Variants in ATIC observed in about 807,000 individuals in gnomAD.
The protein encoded by ATIC is 5-aminoimidazole-4-carboxamide ribonucleotide formyltransferase/IMP cyclohydrolase, also known as bifunctional purine biosynthesis protein ATIC.
ATIC carries 64 observed loss-of-function variants against 72.5 expected under a neutral mutation model. That is an observed-to-expected ratio of 0.88 (90% CI 0.72 to 1.09). ATIC has a LOEUF of 1.09. ATIC is among the 50% of genes least tolerant of loss of function. ATIC has a pLI of 0.00. For synonymous variants in ATIC, 281 were observed against 267.1 expected (o/e 1.05, Z -0.51); for missense variants, 787 against 732.4 (o/e 1.07, Z -0.86).
intron 3 of ATIC, among the ~76,000 whole-genome samples, 159 bp from the exon 4 acceptor site, chr2:215,319,506 A>AC (rs1308827236): frequency 1.3e-5 from 2 of 152,098 alleles, no homozygotes; most frequent in African/African-American, 4.8e-5. Flanking sequence ...TTACGCCACT[A>AC]CAATCCAGCC....
At chr2:215,325,653 C>T (rs913924361) in intron 5 of ATIC, among the ~76,000 whole-genome samples, 1 of 152,072 alleles carries the variant, frequency 6.6e-6, no homozygotes. Flanking sequence ...ACCTCTGCCT[C>T]CTGGGCTCAA....
chr2:215,314,071 T>A (rs1015483788), intron 2 of ATIC, among the ~76,000 whole-genome samples: 1 of 152,212 alleles, frequency 6.6e-6, no homozygotes, highest in African/African-American at 2.4e-5. Context: ...ATCCCTTGGG[T>A]CCTATATCTG....
intron 7 of ATIC, among the ~76,000 whole-genome samples, 170 bp downstream of exon 7, chr2:215,327,148 A>C (rs1037714477): frequency 3.3e-5 from 5 of 152,180 alleles, no homozygotes; most frequent in Non-Finnish European, 5.9e-5. Flanking sequence ...AGAGCACAGA[A>C]GTTGAGTAGT....
At chr2:215,334,310 C>T (rs2052931450) in intron 9 of ATIC, among the ~76,000 whole-genome samples, 1 of 150,626 alleles carries the variant, frequency 6.6e-6, no homozygotes, top group Non-Finnish European at 1.5e-5. Flanking sequence ...TCTCCTGCCT[C>T]AGCGTCCTGA....
Position 215,338,787 on chromosome 2 carries a change from A to T in ATIC, c.1107A>T (p.Gln369His). Residue 369 changes from glutamine to histidine, a missense_variant, in exon 12 of 16, where the codon CAA becomes CAT. Transcript: ENST00000236959. ...NGNYCVLQMD[Q>H]SYKPDENEVR... The stretch of plus-strand genomic sequence containing the variant: ...TAAAATTTGTATTTTAGATGGACCA[A>T]TCTTACAAACCAGATGAAAATGAAG... 6.2e-7 allele frequency: 1 copy of T among 1,613,662 alleles called. No homozygotes were observed. The highest frequency in any genetic ancestry group is 8.5e-7 in the Non-Finnish European group (1 of 1,179,730).
intron 13 of ATIC, 106 bp from the exon 14 acceptor site, chr2:215,346,653 C>A: frequency 7.6e-7 from 1 of 1,318,684 alleles, no homozygotes; most frequent in Non-Finnish European, 1.1e-6. Context: ...CTGATATGTT[C>A]TTCCACAAAA....
chr2:215,337,017 T>C (rs182833168), intron 11 of ATIC, among the ~76,000 whole-genome samples: 16 of 152,086 alleles, frequency 1.1e-4, no homozygotes, highest in African/African-American at 3.9e-4. Flanking sequence ...TGTTTGAATG[T>C]TTTTATTCCT....
At chr2:215,339,300 T>C (rs2052991029) in intron 12 of ATIC, among the ~76,000 whole-genome samples, 3 of 152,178 alleles carry the variant, frequency 2.0e-5, no homozygotes, top group South Asian at 2.1e-4. Context: ...GGCAGCTCTC[T>C]TGAGGTCAGG....
At chr2:215,367,861 A>C in the ATIC span, 1 of 1,613,922 alleles carries the variant, frequency 6.2e-7, no homozygotes, top group Non-Finnish European at 8.5e-7. Context: ...GCAACTACTC[A>C]CTAGATGAAT....
chr2:215,324,047 C>T (rs2052796979), intron 4 of ATIC, among the ~76,000 whole-genome samples: 1 of 152,162 alleles, frequency 6.6e-6, no homozygotes, highest in Non-Finnish European at 1.5e-5. Context: ...CAGGCGTGCG[C>T]CACCTTGCCC....
rs2052917365 is a variant in ATIC, at chr2:215,333,427, C to A, written c.892C>A (p.Pro298Thr). The A allele has an allele frequency of 6.2e-7, 1 of 1,613,952 alleles. No homozygotes were observed. ...MVYDLYKTLTPISAAYARARG... is the reference protein window; with the variant it reads ...MVYDLYKTLTTISAAYARARG... Reference sequence around the variant, plus strand: ...TTATGATCTCTATAAAACCCTCACACCCATCTCAGCGGCATATGCAAGAGC... The same window carrying A: ...TTATGATCTCTATAAAACCCTCACAACCATCTCAGCGGCATATGCAAGAGC... Residue 298 changes from proline (P) to threonine (T), a missense_variant, in exon 9 of 16, where the codon CCC (proline) becomes ACC (threonine). By Grantham distance (38) the Pro-to-Thr change is conservative. Coordinates refer to ENST00000236959, the MANE Select transcript of ATIC (RefSeq NM_004044.7).
At chr2:215,357,388 A>T in the ATIC span, among the ~76,000 whole-genome samples, 12 of 152,284 alleles carry the variant, frequency 7.9e-5, no homozygotes, top group South Asian at 2.1e-4. Context: ...AGCTTCAACC[A>T]ATGCTAGTTT....
At chr2:215,347,729 A>T (rs1653295780) in intron 14 of ATIC, 1 of 473,054 alleles carries the variant, frequency 2.1e-6, no homozygotes, top group African/African-American at 2.0e-5. Context: ...TTTCTGTTTG[A>T]TATTACCAGT....
chr2:215,352,591 AAAAAATT>A (rs910759559), downstream of ATIC, among the ~76,000 whole-genome samples: 2 of 152,180 alleles, frequency 1.3e-5, no homozygotes, highest in African/African-American at 4.8e-5. Context: ...CAAGAAAAAA[AAAAAATT>A]AAACTATTAG....
the ATIC span, among the ~76,000 whole-genome samples, chr2:215,364,159 C>A: frequency 6.6e-6 from 1 of 152,226 alleles, no homozygotes; most frequent in African/African-American, 2.4e-5. Context: ...AATTTAACAT[C>A]TTCAACTATA....
chr2:215,313,386 A>C (rs1301229630), intron 2 of ATIC, among the ~76,000 whole-genome samples: 1 of 152,200 alleles, frequency 6.6e-6, no homozygotes, highest in East Asian at 1.9e-4. Context: ...CAAGCCCTTC[A>C]TTAGCTGACT....
intron 12 of ATIC, among the ~76,000 whole-genome samples, chr2:215,341,298 A>G (rs1284986812): frequency 6.6e-6 from 1 of 152,208 alleles, no homozygotes; most frequent in East Asian, 1.9e-4. Flanking sequence ...CTGAATGGAT[A>G]TTGACCTAGA....
At position 215,336,023 on chromosome 2, in the gene ATIC, A is replaced by G. The variant is rs751041259; in HGVS notation, c.1009-12A>G. On this transcript the variant is annotated splice_polypyrimidine_tract_variant and intron_variant, in intron 10 of 15. Transcript: ENST00000236959. ...TTTTAAAAATAGAAATTAAAATTTA[A>G]TATTTTTGCAGGTATCTGATGGTAT... 1 of 1,583,804 alleles carries G rather than the reference A, an allele frequency of 6.3e-7. No individual in the cohort carries two copies. Among genetic ancestry groups the G allele is most frequent in the African/African-American group, 1.3e-5 (1 of 74,194 alleles).
rs1247658239 is a variant in ATIC at position 215,325,339 on chromosome 2, A to G, written c.379+10A>G. Reference sequence around the variant, plus strand: ...GAGCAAATTGACATTGGTAAGTCAGAAAAACCATTTTAGAAGACTGAGAGG... The same window carrying G: ...GAGCAAATTGACATTGGTAAGTCAGGAAAACCATTTTAGAAGACTGAGAGG... On this transcript the variant is annotated intron_variant, in intron 5 of 15. Coordinates refer to ENST00000236959, the MANE Select transcript of ATIC (RefSeq NM_004044.7). 3 of 1,597,562 alleles carry G rather than the reference A, an allele frequency of 1.9e-6. No individual in the cohort carries two copies. Among genetic ancestry groups the G allele is most frequent in the Non-Finnish European group, 2.6e-6 (3 of 1,164,994 alleles).
Sources: allele counts gnomAD v4.1 joint callset (sites outside exome capture counted in the v4.1 genomes callset), GRCh38; gene constraint gnomAD v4.1.1; transcripts MANE v1.5; gene names NCBI Gene and HGNC (gene_info 2026-07-23, HGNC 2026-07-21).